PLXNC1: variants seen among roughly 807,000 people sequenced by gnomAD.
PLXNC1 encodes the protein plexin C1.
A neutral mutation model predicts 178.2 loss-of-function variants in PLXNC1; 75 were observed. The observed-to-expected ratio is 0.42, with a 90% CI of 0.35 to 0.51. The LOEUF is 0.51. Among genes scored for constraint, PLXNC1 ranks in the 20% least tolerant of loss-of-function variants. The pLI, the probability that PLXNC1 is intolerant of heterozygous loss-of-function variation, is 0.02. For synonymous variants in PLXNC1, 790 were observed against 779.9 expected (o/e 1.01, Z -0.22); for missense variants, 1,503 against 1,984.4 (o/e 0.76, Z 4.61).
chr12:94,210,514 A>G (rs756327484), intron 5 of PLXNC1, among the ~76,000 whole-genome samples: 13 of 152,168 alleles, frequency 8.5e-5, no homozygotes, highest in Non-Finnish European at 1.9e-4. Context: ...TGTTGAGCTC[A>G]CTGTGTTCTG....
chr12:94,305,112 G>A (rs928803661), intron 30 of PLXNC1, 69 bp from the exon 31 acceptor site: 98 of 890,046 alleles, frequency 1.1e-4, no homozygotes, highest in Non-Finnish European at 1.7e-4. Flanking sequence ...CACAGCATCA[G>A]GTATGCAAAA....
At chr12:94,274,969 G>C (rs1421498300) in intron 21 of PLXNC1, among the ~76,000 whole-genome samples, 1 of 152,200 alleles carries the variant, frequency 6.6e-6, no homozygotes, top group African/African-American at 2.4e-5. Context: ...CTATTATTAT[G>C]TGTCATTATT....
intron 13 of PLXNC1, 58 bp from the exon 14 acceptor site, chr12:94,248,169 A>T: frequency 1.3e-6 from 2 of 1,596,072 alleles, no homozygotes; most frequent in Non-Finnish European, 1.7e-6. Flanking sequence ...AGGTGTGTTT[A>T]TGCTCGTGAG....
At chr12:94,209,385 A>G (rs1486383266) in intron 4 of PLXNC1, among the ~76,000 whole-genome samples, 1 of 133,880 alleles carries the variant, frequency 7.5e-6, no homozygotes, top group Non-Finnish European at 1.6e-5. Context: ...GACATGATGG[A>G]AAAAAATGCT....
At position 94,248,072 on chromosome 12, in the gene PLXNC1, C is replaced by T; in HGVS notation, c.2558C>T (p.Ser853Phe). ...DPRFTGYRVE[S>F]EVDTELEVKI... is the part of the protein sequence containing the mutation. ...AGATTCACGGGGTATCGGGTGGAATCCGAGGTGGACACAGAACTGGAAGTG... is the reference window on the plus strand; with the variant it reads ...AGATTCACGGGGTATCGGGTGGAATTCGAGGTGGACACAGAACTGGAAGTG... Residue 853 changes from serine to phenylalanine, a missense_variant, in exon 13 of 31, where the codon TCC becomes TTC. Physicochemically the swap from Ser to Phe is radical, Grantham distance 155. Around this residue, in one of 4 missense-constraint regions of PLXNC1, gnomAD observed 639 missense variants for 979.7 expected, o/e 0.65. Transcript: ENST00000258526. 1 of 1,614,020 alleles carries T rather than the reference C, an allele frequency of 6.2e-7. No individual in the cohort carries two copies. Among genetic ancestry groups the T allele is most frequent in the African/African-American group, 1.3e-5 (1 of 74,974 alleles).
chr12:94,284,942 T>C (rs577358751), intron 23 of PLXNC1, among the ~76,000 whole-genome samples: 5 of 152,154 alleles, frequency 3.3e-5, no homozygotes, highest in Admixed American at 6.5e-5. Flanking sequence ...AACCTGGAAA[T>C]AGCCCCATTA....
At chr12:94,212,195 A>G (rs1430522698) in intron 5 of PLXNC1, among the ~76,000 whole-genome samples, 2 of 147,320 alleles carry the variant, frequency 1.4e-5, no homozygotes, top group African/African-American at 5.0e-5. Flanking sequence ...AATGGCGTGA[A>G]CCCGGGAGGC....
At chr12:94,237,870 A>G (rs1964284627) in intron 10 of PLXNC1, 67 bp downstream of exon 10, 1 of 1,529,020 alleles carries the variant, frequency 6.5e-7, no homozygotes. Flanking sequence ...AAGGAATATC[A>G]GTGTGATTAT....
At position 94,305,508 on chromosome 12, in the gene PLXNC1, T is replaced by C. The variant is rs1968914721; in HGVS notation, c.*223T>C. ...AACCCTTCTGTAAATAGAGTTGAAGTGGTTGTTGCAAACAGCCTCCTTGTT... is the reference window on the plus strand; with the variant it reads ...AACCCTTCTGTAAATAGAGTTGAAGCGGTTGTTGCAAACAGCCTCCTTGTT... On this transcript the variant is annotated 3_prime_UTR_variant, in exon 31 of 31. Coordinates refer to ENST00000258526, the MANE Select transcript of PLXNC1 (RefSeq NM_005761.3). The C allele has an allele frequency of 2.2e-6, 1 of 462,720 alleles. No individual in the cohort carries two copies. The highest frequency in any genetic ancestry group is 2.0e-5 in the African/African-American group (1 of 50,910). 28.7% of individuals were successfully genotyped at this position (462,720 alleles called of 1,614,324 possible).
chr12:94,212,603 G>A (rs1963514729), intron 5 of PLXNC1, among the ~76,000 whole-genome samples: 1 of 151,662 alleles, frequency 6.6e-6, no homozygotes, highest in African/African-American at 2.4e-5. Context: ...GTGATAGTTT[G>A]CTGAGAATGA....
chr12:94,175,661 G>C (rs1051220456), intron 2 of PLXNC1, among the ~76,000 whole-genome samples: 13 of 152,224 alleles, frequency 8.5e-5, no homozygotes, highest in Non-Finnish European at 1.5e-4. Flanking sequence ...TTCTACACAG[G>C]CTTCAGCTGG....
rs778880609 is a variant in PLXNC1, at chr12:94,209,548, A to T, written c.1440-42A>T. On this transcript the variant is annotated intron_variant, in intron 4 of 30. Coordinates refer to ENST00000258526, the MANE Select transcript of PLXNC1 (RefSeq NM_005761.3). Reference sequence around the variant, plus strand: ...ACGTATGGGGTCGCTGTTTTAACTAACACACGTATGGGGTCGCTGTTTTGT... The same window carrying T: ...ACGTATGGGGTCGCTGTTTTAACTATCACACGTATGGGGTCGCTGTTTTGT... The T allele has an allele frequency of 5.9e-6, 7 of 1,182,680 alleles. No homozygotes were observed. In the South Asian group the frequency reaches 8.7e-5, roughly 15 times the overall value. 73.3% of individuals were successfully genotyped at this position (1,182,680 alleles called of 1,614,324 possible).
In PLXNC1 at chr12:94,204,567, C is replaced by T. The variant is rs559472340; in HGVS notation, c.1440-5023C>T. 6.6e-4 allele frequency among the ~76,000 whole-genome samples: 100 copies of T among 152,310 alleles called. 1 individual carries two copies. The highest frequency in any genetic ancestry group is 2.4e-3 in the African/African-American group (100 of 41,554). On this transcript the variant is annotated intron_variant, in intron 4 of 30. Coordinates refer to ENST00000258526, the MANE Select transcript of PLXNC1 (RefSeq NM_005761.3). ...ATTTTGGTCTTATGTTTTGGCATTC[C>T]CCTCTTAAAGAGTCTGGAGGCCTTT...
intron 27 of PLXNC1, among the ~76,000 whole-genome samples, chr12:94,300,078 C>T (rs557639189): frequency 2.4e-4 from 36 of 152,128 alleles, no homozygotes; most frequent in Non-Finnish European, 4.6e-4. Context: ...AGTTCATGTT[C>T]GGGTATTTGA....
intron 20 of PLXNC1, among the ~76,000 whole-genome samples, chr12:94,263,351 G>T (rs955356731): frequency 1.3e-5 from 2 of 152,192 alleles, no homozygotes; most frequent in Admixed American, 1.3e-4. Context: ...GATTAGCCAG[G>T]GTTAGACCCA....
At chr12:94,156,080 T>C (rs1961156832) in intron 1 of PLXNC1, among the ~76,000 whole-genome samples, 1 of 152,368 alleles carries the variant, frequency 6.6e-6, no homozygotes. Flanking sequence ...AACCTTTCTG[T>C]GCCTCAGTTT....
intron 3 of PLXNC1, among the ~76,000 whole-genome samples, chr12:94,183,878 A>T (rs1421140319): frequency 6.6e-6 from 1 of 152,184 alleles, no homozygotes; most frequent in Admixed American, 6.5e-5. Flanking sequence ...ACTGCTAGAG[A>T]TCCTACTGTT....
At position 94,199,508 on chromosome 12, in the gene PLXNC1, G is replaced by A. The variant is rs573191537; in HGVS notation, c.1440-10082G>A. ...GGCCTCAGGGAATTACTGAATTACC[G>A]TTGTGTGGGCTGAGTCCATGCATCT... On this transcript the variant is annotated intron_variant, in intron 4 of 30. Coordinates refer to ENST00000258526, the MANE Select transcript of PLXNC1 (RefSeq NM_005761.3). Among the ~76,000 whole-genome samples the A allele has an allele frequency of 3.9e-5, 6 of 152,282 alleles. 1 individual carries two copies. Among genetic ancestry groups the A allele is most frequent in the South Asian group, 2.1e-4 (1 of 4,820 alleles).
intron 30 of PLXNC1, among the ~76,000 whole-genome samples, chr12:94,304,896 G>A (rs1968844884): frequency 6.6e-6 from 1 of 152,190 alleles, no homozygotes; most frequent in Non-Finnish European, 1.5e-5. Flanking sequence ...GCTGTGCTTG[G>A]AATGGCTGTG....
Sources: gnomAD v4.1 joint callset for allele counts (sites outside exome capture counted in the v4.1 genomes callset) on GRCh38, gnomAD v4.1.1 for gene constraint, gnomAD v4.1.1 regional missense constraint, MANE v1.5 for transcripts, NCBI Gene and HGNC (gene_info 2026-07-23, HGNC 2026-07-21) for gene names.